The following TMEM132B variants were observed in gnomAD, a reference collection of about 807,000 sequenced individuals.
TMEM132B encodes the protein transmembrane protein 132B.
In TMEM132B, 18 loss-of-function variants were observed where a neutral mutation model predicts 90.8. That is an observed-to-expected ratio of 0.20 (90% CI 0.14 to 0.29). The LOEUF is 0.29. Ranked by LOEUF, TMEM132B falls within the 10% of genes least tolerant of loss-of-function variation. TMEM132B has a pLI of 1.00. For missense variants in TMEM132B, 1,096 were observed against 1,326.8 expected, an observed-to-expected ratio of 0.83 and a Z score of 2.70; for synonymous variants, 504 against 523.3, an observed-to-expected ratio of 0.96 and a Z score of 0.50.
rs1298247797 is a variant in TMEM132B at position 125,652,435 on chromosome 12, T to C, written c.1915-6T>C. 1.9e-6 allele frequency: 3 copies of C among 1,590,990 alleles called. No homozygotes were observed. The highest frequency in any genetic ancestry group is 1.7e-6 in the Non-Finnish European group (2 of 1,167,570). ...AGATGCATGAGTCTCCTCGCTGACTTTTCAGGTCCTCTCGCCGTTGTCTGA... is the reference window on the plus strand; with the variant it reads ...AGATGCATGAGTCTCCTCGCTGACTCTTCAGGTCCTCTCGCCGTTGTCTGA... On this transcript the variant is annotated splice_region_variant and splice_polypyrimidine_tract_variant and intron_variant, in intron 7 of 8. Transcript: ENST00000682704.
At chr12:125,564,090 G>A (rs1292694777) in intron 4 of TMEM132B, among the ~76,000 whole-genome samples, 1 of 152,174 alleles carries the variant, frequency 6.6e-6, no homozygotes, top group Non-Finnish European at 1.5e-5. Flanking sequence ...GCAAAGAAAG[G>A]GTACGGCTAG....
At chr12:125,229,543 G>T (rs1297224248) in intron 1 of TMEM132B, among the ~76,000 whole-genome samples, 1 of 152,184 alleles carries the variant, frequency 6.6e-6, no homozygotes, top group African/African-American at 2.4e-5. Flanking sequence ...CTACCTACCT[G>T]TGCATCAATG....
At chr12:125,637,955 C>G (rs955500084) in intron 5 of TMEM132B, among the ~76,000 whole-genome samples, 2 of 152,204 alleles carry the variant, frequency 1.3e-5, no homozygotes, top group African/African-American at 4.8e-5. Context: ...CTGCCAAACT[C>G]ATTGAACTTT....
At chr12:125,194,605 A>G (rs1872885500) in intron 1 of TMEM132B, among the ~76,000 whole-genome samples, 3 of 151,512 alleles carry the variant, frequency 2.0e-5, no homozygotes. Flanking sequence ...CGACGTATTT[A>G]TGTCTTTGGC....
At chr12:125,501,085 T>C (rs1182553476) in intron 3 of TMEM132B, among the ~76,000 whole-genome samples, 1 of 152,220 alleles carries the variant, frequency 6.6e-6, no homozygotes, top group African/African-American at 2.4e-5. Flanking sequence ...CAGTCTCTTG[T>C]AAGGTTGAGA....
At position 125,236,311 on chromosome 12, in the gene TMEM132B, A is replaced by AT. The variant is rs554061905; in HGVS notation, c.67+49454dup. Among the ~76,000 whole-genome samples the AT allele has an allele frequency of 1.8e-3, 267 of 148,878 alleles. 2 individuals are homozygous for AT. The highest frequency in any genetic ancestry group is 4.9e-3 in the South Asian group (23 of 4,712). ...CAGGTGCATACCACCACGCCCAGCT[A>AT]TTTTTTTTTGTTTTTTTTGTTTTTT... On this transcript the variant is annotated intron_variant, in intron 1 of 8. Coordinates refer to ENST00000682704, the MANE Select transcript of TMEM132B (RefSeq NM_001366854.1).
At chr12:125,622,763 T>C in intron 5 of TMEM132B, 2 of 679,574 alleles carry the variant, frequency 2.9e-6, no homozygotes, top group Non-Finnish European at 3.6e-6. Context: ...AGGACATCAT[T>C]TGTATTTACT....
intron 5 of TMEM132B, among the ~76,000 whole-genome samples, chr12:125,640,763 C>G (rs765559781): frequency 6.6e-6 from 1 of 152,068 alleles, no homozygotes; most frequent in Non-Finnish European, 1.5e-5. Context: ...CTCATGGCAC[C>G]CACCTCGTGG....
intron 4 of TMEM132B, among the ~76,000 whole-genome samples, chr12:125,535,481 G>C (rs114621912): frequency 6.6e-6 from 1 of 152,182 alleles, no homozygotes; most frequent in Non-Finnish European, 1.5e-5. Context: ...GATGAAGGAG[G>C]CTCAGTTCTT....
chr12:125,653,982 C>G lies in TMEM132B; in HGVS notation c.2524C>G (p.Pro842Ala), dbSNP rs773993274. The G allele has an allele frequency of 1.7e-5, 27 of 1,614,076 alleles. No individual in the cohort carries two copies. The Admixed American group carries it at 4.3e-4, about 26-fold the overall frequency. The stretch of plus-strand genomic sequence containing the variant: ...CCAGGAATGGTTCCACCGTGGCACA[C>G]CTGTTGGCCAAGAGGAAAGTACCAA... The part of the protein sequence containing the change: ...AVQEWFHRGT[P>A]VGQEESTNKS... The change falls in exon 9 of 9, where the codon CCT becomes GCT. Residue 842 changes from proline (P) to alanine (A), a missense_variant. By Grantham distance (27) the Pro-to-Ala change is conservative (BLOSUM62 -1). Coordinates refer to ENST00000682704, the MANE Select transcript of TMEM132B (RefSeq NM_001366854.1).
chr12:125,257,471 T>C (rs949964559), intron 1 of TMEM132B, among the ~76,000 whole-genome samples: 2 of 152,190 alleles, frequency 1.3e-5, no homozygotes, highest in Non-Finnish European at 2.9e-5. Context: ...TGTCACCAGA[T>C]GTGGCACTGG....
chr12:125,565,483 A>G (rs146372553), intron 4 of TMEM132B, among the ~76,000 whole-genome samples: 4 of 152,320 alleles, frequency 2.6e-5, no homozygotes, highest in African/African-American at 7.2e-5. Context: ...TAACCAGCTC[A>G]ATGTCCCCTT....
At chr12:125,409,168 G>A (rs1041708911) in intron 2 of TMEM132B, among the ~76,000 whole-genome samples, 2 of 152,156 alleles carry the variant, frequency 1.3e-5, no homozygotes, top group Non-Finnish European at 2.9e-5. Context: ...CACTTTTGCA[G>A]CTTGAAAGTC....
chr12:125,477,483 CT>C (rs1402258352), intron 3 of TMEM132B, among the ~76,000 whole-genome samples: 1 of 151,776 alleles, frequency 6.6e-6, no homozygotes, highest in East Asian at 2.0e-4. Context: ...ACAGATTTTG[CT>C]TTCTCAAAGA....
At position 125,349,554 on chromosome 12, in the gene TMEM132B, T is replaced by C; in HGVS notation, c.170T>C (p.Phe57Ser). 1.2e-6 allele frequency: 2 copies of C among 1,614,160 alleles called. No homozygotes were observed. Among genetic ancestry groups the C allele is most frequent in the East Asian group, 2.2e-5 (1 of 44,882 alleles). Residue 57 changes from phenylalanine to serine, a missense_variant, in exon 2 of 9, where the codon TTC (phenylalanine) becomes TCC (serine). Phe to Ser is a radical substitution (Grantham distance 155, BLOSUM62 -2). Coordinates refer to ENST00000682704, the MANE Select transcript of TMEM132B (RefSeq NM_001366854.1). This position sits in a 1 kb window ranked among gnomAD's most constrained non-coding sequence, Gnocchi z 4.1. ...ATCTCCAATGCAGAGGAGTCCTTTT[T>C]CCTTAAAGAAGCCAACCAAGACCTC... ...LHISNAEESF[F>S]LKEANQDLTR...
chr12:125,590,928 C>T (rs2136892892), intron 5 of TMEM132B, among the ~76,000 whole-genome samples: 1 of 152,292 alleles, frequency 6.6e-6, no homozygotes, highest in East Asian at 1.9e-4. Context: ...CCTAGGAGGT[C>T]AGCCCCAGAT....
At chr12:125,306,195 C>G (rs1875954279) in intron 1 of TMEM132B, among the ~76,000 whole-genome samples, 1 of 152,206 alleles carries the variant, frequency 6.6e-6, no homozygotes, top group Non-Finnish European at 1.5e-5. Context: ...ATTTTCCAAC[C>G]ATGACTGGAA....
intron 1 of TMEM132B, among the ~76,000 whole-genome samples, chr12:125,233,416 C>G (rs80026037): frequency 0.015 from 2,268 of 152,296 alleles, 63 homozygotes; most frequent in African/African-American, 0.051. Flanking sequence ...ATCATCTCCA[C>G]CTTCCAGGCA....
intron 1 of TMEM132B, among the ~76,000 whole-genome samples, chr12:125,194,696 A>C (rs534121090): frequency 2.1e-5 from 1 of 48,336 alleles, no homozygotes; most frequent in African/African-American, 8.2e-5. Context: ...GGGCCAGGTC[A>C]GTGGGGTTGG....
Sources: gnomAD v4.1 joint callset for allele counts (sites outside exome capture counted in the v4.1 genomes callset) on GRCh38, gnomAD v4.1.1 for gene constraint, Gnocchi (gnomAD v3.1) non-coding constraint, MANE v1.5 for transcripts, NCBI Gene and HGNC (gene_info 2026-07-23, HGNC 2026-07-21) for gene names.